The following GREB1L variants were observed in gnomAD, a reference collection of about 807,000 sequenced individuals.
The protein encoded by GREB1L is GREB1-like protein.
Under a neutral mutation model 200.8 loss-of-function variants are expected in GREB1L, and 17 were observed. That is an observed-to-expected ratio of 0.08 (90% CI 0.06 to 0.13). The LOEUF is 0.13. Ranked by LOEUF, GREB1L falls within the 10% of genes least tolerant of loss-of-function variation. The pLI is 1.00. For synonymous variants in GREB1L, 789 were observed against 893.0 expected (o/e 0.88, Z 2.08); for missense variants, 1,657 against 2,367.7 (o/e 0.70, Z 6.23).
At chr18:21,374,028 G>A (rs1316528788) in intron 2 of GREB1L, among the ~76,000 whole-genome samples, 3 of 151,364 alleles carry the variant, frequency 2.0e-5, no homozygotes, top group Non-Finnish European at 4.4e-5. Flanking sequence ...TTCAGGCCAG[G>A]TTTCACTCTG....
chr18:21,417,471 G>A (rs963681129), intron 7 of GREB1L, among the ~76,000 whole-genome samples: 1 of 152,016 alleles, frequency 6.6e-6, no homozygotes, highest in Non-Finnish European at 1.5e-5. Flanking sequence ...CCAAGATCGC[G>A]CCACTGCACT....
intron 2 of GREB1L, among the ~76,000 whole-genome samples, chr18:21,376,542 T>C (rs1205168290): frequency 4.0e-5 from 6 of 151,144 alleles, no homozygotes; most frequent in East Asian, 2.0e-4. Context: ...CAGTGGCTCA[T>C]GCCTGTAATC....
chr18:21,517,934 G>A (rs1213750985), intron 30 of GREB1L, 100 bp from the exon 31 acceptor site: 2 of 872,890 alleles, frequency 2.3e-6, no homozygotes, highest in African/African-American at 1.7e-5. Context: ...CTGTGCTACT[G>A]CTATTATTTG....
intron 1 of GREB1L, among the ~76,000 whole-genome samples, chr18:21,291,303 G>A (rs1461129676): frequency 6.6e-6 from 1 of 152,094 alleles, no homozygotes; most frequent in East Asian, 1.9e-4. Context: ...AAACCTGTTT[G>A]CCTGATGACA....
chr18:21,332,282 C>G (rs2039116972), intron 1 of GREB1L, among the ~76,000 whole-genome samples: 1 of 152,162 alleles, frequency 6.6e-6, no homozygotes, highest in Non-Finnish European at 1.5e-5. Context: ...TGAGCAGCCG[C>G]ATTTTTATTT....
rs1193681291 is a variant in GREB1L, at chr18:21,296,660, T to G, written c.-120+54267T>G. Among the ~76,000 whole-genome samples, 5 of 131,846 alleles carry G rather than the reference T, an allele frequency of 3.8e-5. No homozygotes were observed. In the East Asian group the frequency reaches 8.5e-4, roughly 22 times the overall value. The allele number at this position is 131,846 out of a possible 152,430, so 86.5% of individuals were successfully genotyped here. ...TCATTCAGCTTTTCTTTGTTTTTTGTTTTTTTTTTTTTGAGACAGAGTCTC... is the reference window on the plus strand; with the variant it reads ...TCATTCAGCTTTTCTTTGTTTTTTGGTTTTTTTTTTTTGAGACAGAGTCTC... On this transcript the variant is annotated intron_variant, in intron 1 of 32. Transcript: ENST00000424526.
At chr18:21,377,053 A>T (rs977857080) in intron 2 of GREB1L, among the ~76,000 whole-genome samples, 9 of 152,148 alleles carry the variant, frequency 5.9e-5, no homozygotes, top group African/African-American at 1.9e-4. Context: ...GGACAGTAAA[A>T]AATATGAGCA....
intron 15 of GREB1L, 66 bp from the exon 16 acceptor site, chr18:21,472,965 C>A: frequency 8.8e-7 from 1 of 1,130,770 alleles, no homozygotes; most frequent in South Asian, 1.8e-5. Context: ...GAACTCAAGT[C>A]TATCTCCTGT....
At chr18:21,320,648 C>T (rs1296162778) in intron 1 of GREB1L, among the ~76,000 whole-genome samples, 1 of 151,938 alleles carries the variant, frequency 6.6e-6, no homozygotes, top group Non-Finnish European at 1.5e-5. Flanking sequence ...TGCATGTAGT[C>T]CCAGCTACTC....
chr18:21,494,910 G>A (rs1439154028), intron 19 of GREB1L, among the ~76,000 whole-genome samples: 2 of 152,172 alleles, frequency 1.3e-5, no homozygotes, highest in Non-Finnish European at 2.9e-5. Flanking sequence ...ATGTTTTCAA[G>A]ATTGGTGTTC....
At chr18:21,376,624 G>A (rs562350453) in intron 2 of GREB1L, among the ~76,000 whole-genome samples, 2 of 150,916 alleles carry the variant, frequency 1.3e-5, no homozygotes, top group Non-Finnish European at 3.0e-5. Flanking sequence ...CTAACACGGT[G>A]AAACCCCATC....
chr18:21,493,385 T>G (rs1009439573), intron 19 of GREB1L, among the ~76,000 whole-genome samples: 1 of 152,208 alleles, frequency 6.6e-6, no homozygotes, highest in Non-Finnish European at 1.5e-5. Flanking sequence ...TTGAACTCAA[T>G]GATCACCCCA....
In GREB1L at chr18:21,473,231, C is replaced by T; in HGVS notation, c.2363+20C>T. The T allele has an allele frequency of 6.9e-7, 1 of 1,444,870 alleles. No homozygotes were observed. Among genetic ancestry groups the T allele is most frequent in the Non-Finnish European group, 9.2e-7 (1 of 1,086,730 alleles). The allele number at this position is 1,444,870 out of a possible 1,614,324, so 89.5% of individuals were successfully genotyped here. On this transcript the variant is annotated intron_variant, in intron 16 of 32. Transcript: ENST00000424526. ...AACGAGGTGATTGGTTCAGAGTGAGCAAATGGAGTCTCCCTTCTACAGGAA... is the reference window on the plus strand; with the variant it reads ...AACGAGGTGATTGGTTCAGAGTGAGTAAATGGAGTCTCCCTTCTACAGGAA...
intron 7 of GREB1L, among the ~76,000 whole-genome samples, chr18:21,428,710 C>CTT (rs747598415): frequency 2.2e-4 from 11 of 49,946 alleles, no homozygotes; most frequent in East Asian, 6.6e-4. Flanking sequence ...CGGTTTATCT[C>CTT]TTTTTTTTTT....
intron 7 of GREB1L, among the ~76,000 whole-genome samples, chr18:21,428,059 G>C (rs1356909898): frequency 6.7e-6 from 1 of 150,264 alleles, no homozygotes; most frequent in East Asian, 1.9e-4. Context: ...GCGCGGTGGC[G>C]GGCGCCTGTA....
At chr18:21,367,982 G>C (rs528945104) in intron 2 of GREB1L, among the ~76,000 whole-genome samples, 8 of 152,226 alleles carry the variant, frequency 5.3e-5, no homozygotes, top group African/African-American at 1.7e-4. Context: ...GAGGAATTTG[G>C]CAGTATTTTG....
At chr18:21,374,140 C>T (rs537732549) in intron 2 of GREB1L, among the ~76,000 whole-genome samples, 144 of 151,998 alleles carry the variant, frequency 9.5e-4, no homozygotes, top group Non-Finnish European at 1.7e-3. Context: ...TAGCTGGGAC[C>T]GCAGGCACAC....
At chr18:21,286,361 A>G (rs1314000694) in intron 1 of GREB1L, among the ~76,000 whole-genome samples, 1 of 152,196 alleles carries the variant, frequency 6.6e-6, no homozygotes, top group Non-Finnish European at 1.5e-5. Flanking sequence ...TTCATTCTGT[A>G]GGGTAAAAAG....
At chr18:21,310,474 G>C (rs2038773304) in intron 1 of GREB1L, among the ~76,000 whole-genome samples, 1 of 152,148 alleles carries the variant, frequency 6.6e-6, no homozygotes, top group Non-Finnish European at 1.5e-5. Flanking sequence ...TTTCATGTCT[G>C]ACTTACTAGA....
Sources: gnomAD v4.1 joint callset for allele counts (sites outside exome capture counted in the v4.1 genomes callset) on GRCh38, gnomAD v4.1.1 for gene constraint, MANE v1.5 for transcripts, NCBI Gene and HGNC (gene_info 2026-07-23, HGNC 2026-07-21) for gene names.